The following CEP112 variants were observed in gnomAD, a reference collection of about 807,000 sequenced individuals.
CEP112 encodes the protein centrosomal protein of 112 kDa.
Under a neutral mutation model 153.0 loss-of-function variants are expected in CEP112, and 127 were observed. The ratio of observed to expected loss-of-function variants is 0.83; its 90% CI spans 0.72 to 0.96. The LOEUF is 0.96. Among genes scored for constraint, CEP112 ranks in the 40% least tolerant of loss-of-function variants. The pLI is 0.00. For synonymous variants in CEP112, 358 were observed against 374.4 expected, an observed-to-expected ratio of 0.96 and a Z score of 0.51; for missense variants, 1,089 against 1,101.2, an observed-to-expected ratio of 0.99 and a Z score of 0.16.
At chr17:65,987,540 A>G (rs2063452215) in intron 17 of CEP112, among the ~76,000 whole-genome samples, 1 of 152,236 alleles carries the variant, frequency 6.6e-6, no homozygotes, top group African/African-American at 2.4e-5. Context: ...ACTGTATCCT[A>G]GCACAAACAG....
intron 20 of CEP112, among the ~76,000 whole-genome samples, chr17:65,857,541 A>T (rs2058166793): frequency 1.3e-5 from 2 of 152,170 alleles, no homozygotes; most frequent in Admixed American, 1.3e-4. Flanking sequence ...CACCTGGTCA[A>T]TGTTTATTAT....
chr17:66,140,599 G>A (rs957870775), intron 4 of CEP112, among the ~76,000 whole-genome samples: 1 of 152,090 alleles, frequency 6.6e-6, no homozygotes, highest in Non-Finnish European at 1.5e-5. Context: ...ACAAAAATCA[G>A]TAGCACTTCT....
intron 20 of CEP112, among the ~76,000 whole-genome samples, chr17:65,860,203 T>C (rs1177799980): frequency 6.6e-6 from 1 of 150,870 alleles, no homozygotes; most frequent in African/African-American, 2.4e-5. Context: ...TTTACAGCTA[T>C]GACAACAAAC....
intron 11 of CEP112, among the ~76,000 whole-genome samples, chr17:66,055,279 T>C (rs779466299): frequency 7.2e-5 from 11 of 152,344 alleles, no homozygotes; most frequent in Non-Finnish European, 1.3e-4. Flanking sequence ...AGAATGAGGA[T>C]GCTCAGTAAT....
rs555102247 is a variant in CEP112, at chr17:66,056,101, A to G, written c.1075-2222T>C. On this transcript the variant is annotated intron_variant, in intron 11 of 26. Transcript: ENST00000535342. ...GCTGGAGTTTATGAAACCATAGGAC[A>G]TAACAATGAGTTGATCCATAGGAAT... Among the ~76,000 whole-genome samples the G allele has an allele frequency of 2.0e-5, 3 of 152,338 alleles. No homozygotes were observed. In the South Asian group the frequency reaches 6.2e-4, roughly 32 times the overall value.
At chr17:65,925,009 T>G (rs1479017421) in intron 19 of CEP112, among the ~76,000 whole-genome samples, 2 of 152,152 alleles carry the variant, frequency 1.3e-5, no homozygotes, top group Non-Finnish European at 2.9e-5. Context: ...TCTTAACCTT[T>G]ACTGTTACAA....
At chr17:65,655,807 A>C (rs1248540553) in intron 24 of CEP112, among the ~76,000 whole-genome samples, 2 of 152,240 alleles carry the variant, frequency 1.3e-5, no homozygotes, top group Admixed American at 1.3e-4. Flanking sequence ...ACACATGTGA[A>C]TATTAAAATT....
At chr17:65,682,680 G>A (rs781046476) in intron 24 of CEP112, among the ~76,000 whole-genome samples, 3 of 151,904 alleles carry the variant, frequency 2.0e-5, no homozygotes, top group Admixed American at 6.6e-5. Flanking sequence ...TGAACAAAAC[G>A]AACTTTCTGG....
At position 65,726,733 on chromosome 17, in the gene CEP112, T is replaced by C. The variant is rs189039490; in HGVS notation, c.2607+16335A>G. 2.0e-3 allele frequency among the ~76,000 whole-genome samples: 297 copies of C among 152,272 alleles called. 4 individuals are homozygous for C. Among genetic ancestry groups the C allele is most frequent in the African/African-American group, 6.8e-3 (284 of 41,554 alleles). ...TCATCAAAAGATATAAAATAAAAAATGGAAAGTCCTATTGCCCCCAAATAA... is the reference window on the plus strand; with the variant it reads ...TCATCAAAAGATATAAAATAAAAAACGGAAAGTCCTATTGCCCCCAAATAA... On this transcript the variant is annotated intron_variant, in intron 23 of 26. Transcript: ENST00000535342.
intron 23 of CEP112, among the ~76,000 whole-genome samples, chr17:65,721,290 A>G (rs565075061): frequency 3.4e-3 from 511 of 152,266 alleles, no homozygotes; most frequent in Non-Finnish European, 5.4e-3. Context: ...GATTACAGGC[A>G]TGAGCCACCG....
chr17:66,086,482 C>A (rs1330485620), intron 8 of CEP112, among the ~76,000 whole-genome samples: 2 of 127,710 alleles, frequency 1.6e-5, no homozygotes, highest in Non-Finnish European at 3.1e-5. Flanking sequence ...CGGCTCACTG[C>A]AAGGTCTGCC....
At chr17:65,943,423 A>G (rs2061560734) in intron 18 of CEP112, among the ~76,000 whole-genome samples, 1 of 152,168 alleles carries the variant, frequency 6.6e-6, no homozygotes, top group Admixed American at 6.5e-5. Flanking sequence ...AACAAGCCTA[A>G]CATATCTATT....
chr17:65,916,250 A>T (rs1035402330), intron 19 of CEP112, among the ~76,000 whole-genome samples: 32 of 129,964 alleles, frequency 2.5e-4, no homozygotes, highest in African/African-American at 8.6e-4. Flanking sequence ...TTTGAAAAAG[A>T]GTGTGTGTGT....
rs932661199 is a variant in CEP112, at chr17:65,913,408, A to G, written c.1981-11074T>C. ...TTCTCTGAGTCCTTGGAGTCAGAGT[A>G]AAGATACATTTTAGCACAGAAAATA... On this transcript the variant is annotated intron_variant, in intron 19 of 26. Transcript: ENST00000535342. The G allele has an allele frequency of 5.5e-6, 4 of 722,616 alleles. No individual in the cohort carries two copies. In the African/African-American group the frequency reaches 7.7e-5, roughly 14 times the overall value. The allele number at this position is 722,616 out of a possible 1,614,324, so 44.8% of individuals were successfully genotyped here.
intron 19 of CEP112, among the ~76,000 whole-genome samples, chr17:65,923,015 C>T (rs188715932): frequency 1.9e-4 from 29 of 152,244 alleles, no homozygotes; most frequent in African/African-American, 6.7e-4. Context: ...TTGTGGAAAA[C>T]ATCCTCCATG....
At chr17:65,821,540 A>ATATATATATATATATATATATATATT (rs1568067713) in intron 21 of CEP112, among the ~76,000 whole-genome samples, 2 of 33,630 alleles carry the variant, frequency 5.9e-5, no homozygotes, top group Admixed American at 1.1e-3. Flanking sequence ...ATATATATAT[A>ATATATATATATATATATATATATATT]TTTTTTTTTT....
chr17:65,685,667 A>ATTTTTTTTTT (rs556118592), intron 24 of CEP112, among the ~76,000 whole-genome samples: 8 of 105,320 alleles, frequency 7.6e-5, no homozygotes, highest in African/African-American at 2.3e-4. Flanking sequence ...AATAGTTCTA[A>ATTTTTTTTTT]TTTTTTTTTT....
At chr17:65,885,006 G>A (rs1159107958) in intron 20 of CEP112, among the ~76,000 whole-genome samples, 16 of 151,994 alleles carry the variant, frequency 1.1e-4, no homozygotes, top group African/African-American at 2.9e-4. Flanking sequence ...GTGAGCCATC[G>A]CGCCCGGCCT....
chr17:65,925,871 G>A (rs1388494522), intron 19 of CEP112, among the ~76,000 whole-genome samples: 1 of 152,190 alleles, frequency 6.6e-6, no homozygotes, highest in Non-Finnish European at 1.5e-5. Context: ...ACATGGGTCA[G>A]AGCTGCAGTC....
Sources: allele counts gnomAD v4.1 joint callset (sites outside exome capture counted in the v4.1 genomes callset), GRCh38; gene constraint gnomAD v4.1.1; transcripts MANE v1.5; gene names NCBI Gene and HGNC (gene_info 2026-07-23, HGNC 2026-07-21).